SH3RF3: variants seen among roughly 807,000 people sequenced by gnomAD.
The protein encoded by SH3RF3 is SH3 domain containing ring finger 3.
Under a neutral mutation model 66.3 loss-of-function variants are expected in SH3RF3, and 29 were observed. The ratio of observed to expected loss-of-function variants is 0.44; its 90% CI spans 0.33 to 0.60. The LOEUF (loss-of-function observed/expected upper bound fraction) is 0.60. SH3RF3 is among the 20% of genes least tolerant of loss of function. SH3RF3 has a pLI of 0.04. For missense variants in SH3RF3, 1,194 were observed against 1,190.9 expected (o/e 1.00, Z -0.04); for synonymous variants, 583 against 532.0 (o/e 1.10, Z -1.32).
chr2:109,432,741 C>G (rs1299831835), intron 6 of SH3RF3, 70 bp downstream of exon 6: 5 of 1,520,114 alleles, frequency 3.3e-6, no homozygotes, highest in Middle Eastern at 1.9e-4. Context: ...GCTGTTGTTA[C>G]TGCTGGAGGC....
At chr2:109,240,593 G>A (rs1679753753) in intron 1 of SH3RF3, among the ~76,000 whole-genome samples, 1 of 152,144 alleles carries the variant, frequency 6.6e-6, no homozygotes, top group Non-Finnish European at 1.5e-5. Flanking sequence ...TGGATAAATA[G>A]GTTTTTCATT....
At chr2:109,230,123 C>T (rs556936204) in intron 1 of SH3RF3, among the ~76,000 whole-genome samples, 7 of 151,936 alleles carry the variant, frequency 4.6e-5, no homozygotes, top group Non-Finnish European at 7.4e-5. Flanking sequence ...CGCACCTGGC[C>T]GATTTTTTTT....
intron 1 of SH3RF3, among the ~76,000 whole-genome samples, chr2:109,185,287 A>G (rs1363779404): frequency 1.3e-5 from 2 of 152,252 alleles, no homozygotes; most frequent in African/African-American, 4.8e-5. Flanking sequence ...CGATGTGAAT[A>G]AAATCCCATG....
chr2:109,181,706 A>G (rs1342559673), intron 1 of SH3RF3, among the ~76,000 whole-genome samples: 1 of 151,970 alleles, frequency 6.6e-6, no homozygotes, highest in Non-Finnish European at 1.5e-5. Context: ...CTCTGAGTCT[A>G]CTCTCCTGCC....
At chr2:109,398,537 G>A (rs1676213176) in intron 3 of SH3RF3, 53 bp from the exon 4 acceptor site, 1 of 1,449,986 alleles carries the variant, frequency 6.9e-7, no homozygotes, top group Non-Finnish European at 9.3e-7. Flanking sequence ...GAGGGCTGGT[G>A]TGGCATGTGA....
At chr2:109,370,190 GGTCTCTGTCTCTGTCTCT>G (rs10625245) in intron 2 of SH3RF3, among the ~76,000 whole-genome samples, 1,770 of 147,312 alleles carry the variant, frequency 0.012, 37 homozygotes, top group African/African-American at 0.038. Context: ...TTGCTGTGGT[GGTCTCTGTCTCTGTCTCT>G]GTCTCTGTCT....
chr2:109,291,307 T>TTG (rs1681172932), intron 1 of SH3RF3, among the ~76,000 whole-genome samples: 2 of 151,556 alleles, frequency 1.3e-5, no homozygotes, highest in Non-Finnish European at 2.9e-5. Flanking sequence ...TGCATTATGC[T>TTG]TGAAGGAGGT....
At chr2:109,344,649 G>A (rs895393534) in intron 1 of SH3RF3, among the ~76,000 whole-genome samples, 2 of 152,188 alleles carry the variant, frequency 1.3e-5, no homozygotes, top group Non-Finnish European at 1.5e-5. Context: ...GGTGCAAGGA[G>A]AGATGACAGG....
chr2:109,415,131 A>T (rs1481838207), intron 4 of SH3RF3, among the ~76,000 whole-genome samples: 1 of 109,188 alleles, frequency 9.2e-6, no homozygotes, highest in Non-Finnish European at 1.8e-5. Context: ...CAGCCTCTAG[A>T]AGCTGCAAAG....
At chr2:109,185,603 T>C (rs1240439202) in intron 1 of SH3RF3, among the ~76,000 whole-genome samples, 4 of 152,052 alleles carry the variant, frequency 2.6e-5, no homozygotes, top group Non-Finnish European at 4.4e-5. Flanking sequence ...GCCTTTGGGG[T>C]TGGCAGAGAA....
rs70958705 is a variant in SH3RF3 at position 109,365,051 on chromosome 2, AAAAC to A, written c.850-6511_850-6508del. On this transcript the variant is annotated intron_variant, in intron 2 of 9. Coordinates refer to ENST00000309415, the MANE Select transcript of SH3RF3 (RefSeq NM_001099289.3). Reference sequence around the variant, plus strand: ...GAAACACAGACACACACACACATATAAAACAAACAAACAAACAAACAAACAAAAC... The same window carrying A: ...GAAACACAGACACACACACACATATAAAACAAACAAACAAACAAACAAAAC... Among the ~76,000 whole-genome samples the A allele has an allele frequency of 4.5e-3, 683 of 151,598 alleles. 3 individuals carry two copies. The highest frequency in any genetic ancestry group is 0.015 in the African/African-American group (605 of 41,302).
chr2:109,250,572 C>T (rs1169350697), intron 1 of SH3RF3, among the ~76,000 whole-genome samples: 1 of 151,554 alleles, frequency 6.6e-6, no homozygotes, highest in African/African-American at 2.4e-5. Context: ...ATGATAAATA[C>T]AGAAAAACCT....
chr2:109,384,231 AGAG>A (rs1426690485), intron 3 of SH3RF3, among the ~76,000 whole-genome samples: 1 of 152,132 alleles, frequency 6.6e-6, no homozygotes, highest in Non-Finnish European at 1.5e-5. Context: ...TGAATGAAGC[AGAG>A]GAGAACCCTG....
At chr2:109,149,057 C>T (rs539909518) in intron 1 of SH3RF3, among the ~76,000 whole-genome samples, 2 of 152,310 alleles carry the variant, frequency 1.3e-5, no homozygotes, top group African/African-American at 4.8e-5. Context: ...CTCTTTCCTT[C>T]CTTCAGAGGC....
At chr2:109,423,788 T>C (rs1202044921) in intron 5 of SH3RF3, among the ~76,000 whole-genome samples, 1 of 152,108 alleles carries the variant, frequency 6.6e-6, no homozygotes, top group African/African-American at 2.4e-5. Flanking sequence ...TACAGACAGA[T>C]GCGACCAAGA....
chr2:109,321,354 G>A (rs1021115241), intron 1 of SH3RF3, among the ~76,000 whole-genome samples: 1 of 152,188 alleles, frequency 6.6e-6, no homozygotes, highest in African/African-American at 2.4e-5. Context: ...ATACCAGAAC[G>A]TCATCATTCA....
At chr2:109,213,151 C>G (rs1679029795) in intron 1 of SH3RF3, among the ~76,000 whole-genome samples, 1 of 152,200 alleles carries the variant, frequency 6.6e-6, no homozygotes, top group Admixed American at 6.5e-5. Flanking sequence ...AGTTTTTAAA[C>G]TGGGTTTAAA....
intron 1 of SH3RF3, among the ~76,000 whole-genome samples, chr2:109,214,202 G>A (rs1024763606): frequency 5.3e-5 from 8 of 152,172 alleles, no homozygotes; most frequent in Non-Finnish European, 1.2e-4. Flanking sequence ...GGAAGTGACT[G>A]GAAATAAAGC....
chr2:109,492,472 G>A (rs1037570011), intron 9 of SH3RF3, among the ~76,000 whole-genome samples: 1 of 152,136 alleles, frequency 6.6e-6, no homozygotes, highest in African/African-American at 2.4e-5. Flanking sequence ...TCTGCACAGG[G>A]GTGACGTTCA....
Sources: gnomAD v4.1 joint callset for allele counts (sites outside exome capture counted in the v4.1 genomes callset) on GRCh38, gnomAD v4.1.1 for gene constraint, MANE v1.5 for transcripts, NCBI Gene and HGNC (gene_info 2026-07-23, HGNC 2026-07-21) for gene names.